WNT10A: variants seen among roughly 807,000 people sequenced by gnomAD.
WNT10A encodes the protein protein Wnt-10a.
A neutral mutation model predicts 36.1 loss-of-function variants in WNT10A; 37 were observed. The observed-to-expected ratio is 1.02, with a 90% CI of 0.79 to 1.35. The LOEUF is 1.35. Among genes scored for constraint, WNT10A ranks in the 40% most tolerant of loss-of-function variants. WNT10A has a pLI of 0.00. For missense variants in WNT10A, 613 were observed against 601.4 expected, an observed-to-expected ratio of 1.02 and a Z score of -0.20; for synonymous variants, 255 against 254.1, an observed-to-expected ratio of 1.00 and a Z score of -0.03.
intron 2 of WNT10A, among the ~76,000 whole-genome samples, chr2:218,883,587 C>G (rs1355704582): frequency 6.7e-6 from 1 of 150,314 alleles, no homozygotes; most frequent in Non-Finnish European, 1.5e-5. Flanking sequence ...CCGCGCGCCC[C>G]GGGCGCTGTT....
In WNT10A at chr2:218,889,731, T is replaced by C. The variant is rs139882469; in HGVS notation, c.377-253T>C. On this transcript the variant is annotated intron_variant, in intron 2 of 3. Coordinates refer to ENST00000258411, the MANE Select transcript of WNT10A (RefSeq NM_025216.3). ...CAAATTCTGAGTTTGCTAAAGGTGATGTTAAAGAACAGGAGAAGGGCGTAC... is the reference window on the plus strand; with the variant it reads ...CAAATTCTGAGTTTGCTAAAGGTGACGTTAAAGAACAGGAGAAGGGCGTAC... 2.4e-3 allele frequency among the ~76,000 whole-genome samples: 359 copies of C among 152,362 alleles called. 1 individual carries two copies. The highest frequency in any genetic ancestry group is 4.0e-3 in the Non-Finnish European group (274 of 68,040).
the WNT10A span, chr2:218,874,124 T>G: frequency 2.3e-6 from 1 of 427,872 alleles, no homozygotes; most frequent in Non-Finnish European, 4.1e-6. Context: ...AAACAGTTTT[T>G]TAGACTGGAA....
rs1356893468 is a variant in WNT10A, at chr2:218,890,340, C to T, written c.733C>T (p.His245Tyr). Residue 245 changes from histidine (H) to tyrosine (Y), a missense_variant, in exon 3 of 4, where the codon CAC (histidine) becomes TAC (tyrosine). Physicochemically the swap from His to Tyr is moderately conservative, Grantham distance 83. Coordinates refer to ENST00000258411, the MANE Select transcript of WNT10A (RefSeq NM_025216.3). ...HRDIHARMRL[H>Y]NNRVGRQAVM... is the part of the protein sequence containing the mutation. ...AGACATCCACGCGAGAATGAGGCTT[C>T]ACAACAACCGAGTTGGGAGGCAGGT... The T allele has an allele frequency of 6.2e-7, 1 of 1,600,430 alleles. No homozygotes were observed. The highest frequency in any genetic ancestry group is 8.5e-7 in the Non-Finnish European group (1 of 1,179,922).
chr2:218,887,312 C>G (rs937266729), intron 2 of WNT10A, among the ~76,000 whole-genome samples: 16 of 152,082 alleles, frequency 1.1e-4, no homozygotes, highest in Admixed American at 5.2e-4. Flanking sequence ...TGGGCTGCCT[C>G]TGGAGGTCTG....
At position 218,893,069 on chromosome 2, in the gene WNT10A, G is replaced by T. The variant is rs759602106; in HGVS notation, c.1052G>T (p.Arg351Leu). Residue 351 changes from arginine (R) to leucine (L), a missense_variant, in exon 4 of 4, where the codon CGC (arginine) becomes CTC (leucine). Physicochemically the swap from Arg to Leu is moderately radical, Grantham distance 102. Coordinates refer to ENST00000258411, the MANE Select transcript of WNT10A (RefSeq NM_025216.3). This position sits in a 1 kb window ranked among gnomAD's most constrained non-coding sequence, Gnocchi z 6.3. ...KSPDFCEREP[R>L]LDSAGTVGRL... ...CCCGACTTCTGCGAGCGCGAGCCGC[G>T]CCTGGACTCGGCGGGCACCGTGGGC... 1.3e-6 allele frequency: 2 copies of T among 1,596,774 alleles called. No individual in the cohort carries two copies. Among genetic ancestry groups the T allele is most frequent in the South Asian group, 1.1e-5 (1 of 91,016 alleles).
Position 218,893,488 on chromosome 2 carries a change from A to G in WNT10A, c.*217A>G. ...CTCACTTCTGTGGGCTCTAGGACTGACTGGGTTCTTCCTCCCTCCCCGAAG... is the reference window on the plus strand; with the variant it reads ...CTCACTTCTGTGGGCTCTAGGACTGGCTGGGTTCTTCCTCCCTCCCCGAAG... On this transcript the variant is annotated 3_prime_UTR_variant, in exon 4 of 4. Transcript: ENST00000258411. This position sits in a 1 kb window ranked among gnomAD's most constrained non-coding sequence, Gnocchi z 6.3. The G allele has an allele frequency of 1.8e-6, 1 of 569,738 alleles. No homozygotes were observed. The highest frequency in any genetic ancestry group is 2.8e-6 in the Non-Finnish European group (1 of 359,838). The allele number at this position is 569,738 out of a possible 1,614,324, so 35.3% of individuals were successfully genotyped here. A position where few individuals can be genotyped will look rare whatever the true frequency, so the allele number is the denominator to read the frequency against.
chr2:218,885,585 T>A (rs1173604293), intron 2 of WNT10A, among the ~76,000 whole-genome samples: 3 of 152,166 alleles, frequency 2.0e-5, no homozygotes, highest in Non-Finnish European at 2.9e-5. Context: ...TTAGGTACTG[T>A]CTTCCCTAAG....
upstream of WNT10A, among the ~76,000 whole-genome samples, chr2:218,879,162 G>T (rs562516428): frequency 6.6e-6 from 1 of 151,684 alleles, no homozygotes; most frequent in East Asian, 1.9e-4. Flanking sequence ...GGGAAAGGAG[G>T]GGGGAGTATG....
intron 3 of WNT10A, among the ~76,000 whole-genome samples, chr2:218,890,751 G>A (rs1425335002): frequency 6.6e-6 from 1 of 152,096 alleles, no homozygotes; most frequent in South Asian, 2.1e-4. Context: ...CATCCCTAAG[G>A]TTCCCCCCAA....
At chr2:218,880,788 C>T (rs1042872983), upstream of WNT10A, 1 of 495,902 alleles carries the variant, frequency 2.0e-6, no homozygotes, top group Non-Finnish European at 3.5e-6. The surrounding 1 kb of genome is among the most constrained non-coding windows in gnomAD (Gnocchi z 7.7). Flanking sequence ...CCGCTCTTCA[C>T]CCCCCGCCCC....
upstream of WNT10A, among the ~76,000 whole-genome samples, chr2:218,878,728 G>GAATA (rs1171670050): frequency 6.6e-6 from 1 of 152,170 alleles, no homozygotes; most frequent in Admixed American, 6.5e-5. The surrounding 1 kb of genome is among the most constrained non-coding windows in gnomAD (Gnocchi z 4.1). Context: ...GCGTGATGGG[G>GAATA]AATAAGGACA....
Position 218,890,326 on chromosome 2 carries a change from C to A in WNT10A, c.719C>A (p.Ala240Glu), listed in dbSNP as rs201578578. ...DSREPHRDIH[A>E]RMRLHNNRVG... The stretch of plus-strand genomic sequence containing the variant: ...CGGGAGCCTCACAGAGACATCCACG[C>A]GAGAATGAGGCTTCACAACAACCGA... The change falls in exon 3 of 4, where the codon GCG becomes GAG. Residue 240 changes from alanine to glutamate, a missense_variant. Physicochemically the swap from Ala to Glu is moderately radical, Grantham distance 107. Transcript: ENST00000258411. The A allele has an allele frequency of 1.1e-5, 17 of 1,601,376 alleles. No homozygotes were observed. The highest frequency in any genetic ancestry group is 1.4e-5 in the Non-Finnish European group (17 of 1,179,928).
chr2:218,883,692 G>A (rs1427749095), intron 2 of WNT10A, among the ~76,000 whole-genome samples: 1 of 150,634 alleles, frequency 6.6e-6, no homozygotes, highest in Non-Finnish European at 1.5e-5. Context: ...CCCCAGCCGC[G>A]CCGCTCTCAG....
chr2:218,892,501 G>A (rs1232304496), intron 3 of WNT10A, among the ~76,000 whole-genome samples: 1 of 152,154 alleles, frequency 6.6e-6, no homozygotes, highest in Non-Finnish European at 1.5e-5. Context: ...GCCCCCTGCA[G>A]CTGCTGGAAA....
chr2:218,885,059 AAGGG>A, intron 2 of WNT10A, among the ~76,000 whole-genome samples: 1 of 152,242 alleles, frequency 6.6e-6, no homozygotes, highest in South Asian at 2.1e-4. Flanking sequence ...GGTTTTGATA[AAGGG>A]AGGGAGAAGA....
intron 1 of WNT10A, 62 bp from the exon 2 acceptor site, chr2:218,882,099 G>T: frequency 1.3e-6 from 2 of 1,575,904 alleles, no homozygotes; most frequent in South Asian, 2.4e-5. Flanking sequence ...AGTGTGTGTT[G>T]TTAGATGGGG....
Position 218,881,081 on chromosome 2 carries a change from T to C in WNT10A, c.86T>C (p.Leu29Pro), listed in dbSNP as rs1454334671. 6 of 1,604,738 alleles carry C rather than the reference T, an allele frequency of 3.7e-6. No individual in the cohort carries two copies. The highest frequency in any genetic ancestry group is 5.1e-6 in the Non-Finnish European group (6 of 1,175,944). ...RPALWVLLFF[L>P]LLLAAAMPRS... Reference sequence around the variant, plus strand: ...GCGCTCTGGGTGCTCCTGTTCTTCCTACTGCTGCTGGCTGCTGCCATGCCC... The same window carrying C: ...GCGCTCTGGGTGCTCCTGTTCTTCCCACTGCTGCTGGCTGCTGCCATGCCC... Residue 29 changes from leucine to proline, a missense_variant, in exon 1 of 4, where the codon CTA (leucine) becomes CCA (proline). Transcript: ENST00000258411.
upstream of WNT10A, chr2:218,880,217 G>A (rs1301858345): frequency 6.6e-6 from 1 of 152,392 alleles, no homozygotes; most frequent in Non-Finnish European, 1.5e-5. This position sits in a 1 kb window ranked among gnomAD's most constrained non-coding sequence, Gnocchi z 7.7. Flanking sequence ...GTTGGGGTGG[G>A]ATGGGGGCGC....
rs1020451881 is a variant in WNT10A, at chr2:218,892,944, G to C, written c.927G>C (p.Gln309His). ...GGCCGCACAACCGCAACGGCGGCCA[G>C]CTGGAGCCGGGCCCAGCGGGGGCAC... ...LIRPHNRNGG[Q>H]LEPGPAGAPS... The change falls in exon 4 of 4, where the codon CAG becomes CAC. Residue 309 changes from glutamine (Q) to histidine (H), a missense_variant. By Grantham distance (24) the Gln-to-His change is conservative. Coordinates refer to ENST00000258411, the MANE Select transcript of WNT10A (RefSeq NM_025216.3). 1 of 1,465,074 alleles carries C rather than the reference G, an allele frequency of 6.8e-7. No homozygotes were observed. Among genetic ancestry groups the C allele is most frequent in the Non-Finnish European group, 9.0e-7 (1 of 1,112,134 alleles). 90.8% of individuals were successfully genotyped at this position (1,465,074 alleles called of 1,614,324 possible).
Sources: gnomAD v4.1 joint callset for allele counts (sites outside exome capture counted in the v4.1 genomes callset) on GRCh38, gnomAD v4.1.1 for gene constraint, Gnocchi (gnomAD v3.1) non-coding constraint, MANE v1.5 for transcripts, NCBI Gene and HGNC (gene_info 2026-07-23, HGNC 2026-07-21) for gene names.